The following WNT1 variants were observed in gnomAD, a reference collection of about 807,000 sequenced individuals.
WNT1 encodes proto-oncogene Wnt-1.
Under a neutral mutation model 21.3 loss-of-function variants are expected in WNT1, and 10 were observed. The ratio of observed to expected loss-of-function variants is 0.47; its 90% confidence interval spans 0.29 to 0.80. The LOEUF is 0.80. WNT1 is among the 30% of genes least tolerant of loss of function. The pLI, the probability that WNT1 is intolerant of heterozygous loss-of-function variation, is 0.09. For synonymous variants in WNT1, 208 were observed against 236.3 expected (o/e 0.88, Z 1.10); for missense variants, 476 against 534.1 (o/e 0.89, Z 1.07).
chr12:48,978,593 C>A lies in WNT1; in HGVS notation c.-58C>A. On this transcript the variant is annotated 5_prime_UTR_variant, in exon 1 of 4. Transcript: ENST00000293549. This position sits in a 1 kb window ranked among gnomAD's most constrained non-coding sequence, Gnocchi z 7.4. ...ACCGCCGCGTCCCGTCCCACCGTCG[C>A]GGGCAACAACCAAAGTCGCCGCAAC... 7.7e-7 allele frequency: 1 copy of A among 1,306,178 alleles called. No homozygotes were observed. The highest frequency in any genetic ancestry group is 1.1e-6 in the Non-Finnish European group (1 of 938,098). The allele number at this position is 1,306,178 out of a possible 1,614,324, so 80.9% of individuals were successfully genotyped here. A position where few individuals can be genotyped will look rare whatever the true frequency, so the allele number is the denominator to read the frequency against.
At position 48,981,600 on chromosome 12, in the gene WNT1, G is replaced by A. The variant is rs779430216; in HGVS notation, c.1073G>A (p.Arg358His). 4.7e-5 allele frequency: 70 copies of A among 1,489,586 alleles called. No individual in the cohort carries two copies. The highest frequency in any genetic ancestry group is 4.8e-5 in the Non-Finnish European group (54 of 1,122,858). The allele number at this position is 1,489,586 out of a possible 1,614,324, so 92.3% of individuals were successfully genotyped here. Reference sequence around the variant, plus strand: ...CACTGGTGCTGCCACGTCAGCTGCCGCAACTGCACGCACACGCGCGTACTG... The same window carrying A: ...CACTGGTGCTGCCACGTCAGCTGCCACAACTGCACGCACACGCGCGTACTG... ...TFHWCCHVSC[R>H]NCTHTRVLHE... Residue 358 changes from arginine to histidine, a missense_variant, in exon 4 of 4, where the codon CGC becomes CAC. Arg to His is a conservative substitution (Grantham distance 29). Transcript: ENST00000293549. This position sits in a 1 kb window ranked among gnomAD's most constrained non-coding sequence, Gnocchi z 7.4.
chr12:48,981,255 G>A lies in WNT1; in HGVS notation c.728G>A (p.Gly243Asp). Residue 243 changes from glycine to aspartate, a missense_variant, in exon 4 of 4, where the codon GGC becomes GAC. Physicochemically the swap from Gly to Asp is moderately conservative, Grantham distance 94 (BLOSUM62 -1). Transcript: ENST00000293549. This position sits in a 1 kb window ranked among gnomAD's most constrained non-coding sequence, Gnocchi z 7.4. ...WMRLPTLRAV[G>D]DVLRDRFDGA... ...CGGCTGCCCACGCTGCGCGCCGTGGGCGATGTGCTGCGCGACCGCTTCGAC... is the reference window on the plus strand; with the variant it reads ...CGGCTGCCCACGCTGCGCGCCGTGGACGATGTGCTGCGCGACCGCTTCGAC... The A allele has an allele frequency of 6.2e-7, 1 of 1,607,654 alleles. No homozygotes were observed. The highest frequency in any genetic ancestry group is 8.5e-7 in the Non-Finnish European group (1 of 1,177,340).
In WNT1 at chr12:48,981,366, C is replaced by A; in HGVS notation, c.839C>A (p.Ala280Asp). ...ELLRLEPEDP[A>D]HKPPSPHDLV... is the part of the protein sequence containing the mutation. Reference sequence around the variant, plus strand: ...CTGCGCCTGGAGCCGGAAGACCCGGCCCACAAACCGCCCTCCCCCCACGAC... The same window carrying A: ...CTGCGCCTGGAGCCGGAAGACCCGGACCACAAACCGCCCTCCCCCCACGAC... Residue 280 changes from alanine to aspartate, a missense_variant, in exon 4 of 4, where the codon GCC becomes GAC. Coordinates refer to ENST00000293549, the MANE Select transcript of WNT1 (RefSeq NM_005430.4). The surrounding 1 kb of genome is among the most constrained non-coding windows in gnomAD (Gnocchi z 7.4). 6.4e-7 allele frequency: 1 copy of A among 1,571,640 alleles called. No individual in the cohort carries two copies. The highest frequency in any genetic ancestry group is 8.6e-7 in the Non-Finnish European group (1 of 1,158,364).
At position 48,978,790 on chromosome 12, in the gene WNT1, C is replaced by A; in HGVS notation, c.104+36C>A. On this transcript the variant is annotated intron_variant, in intron 1 of 3. Coordinates refer to ENST00000293549, the MANE Select transcript of WNT1 (RefSeq NM_005430.4). The surrounding 1 kb of genome is among the most constrained non-coding windows in gnomAD (Gnocchi z 7.4). ...TGGTGCGGGGTCGCCACTTGTCCCG[C>A]GGCACAGAGCCAGGGGCCAACCCTA... is the stretch of plus-strand genomic sequence containing the variant. 1 of 1,458,426 alleles carries A rather than the reference C, an allele frequency of 6.9e-7. No homozygotes were observed. The highest frequency in any genetic ancestry group is 2.4e-5 in the East Asian group (1 of 42,218). The allele number at this position is 1,458,426 out of a possible 1,614,324, so 90.3% of individuals were successfully genotyped here.
rs1940974846 is a variant in WNT1, at chr12:48,979,064, C to T, written c.104+310C>T. 6.6e-6 allele frequency among the ~76,000 whole-genome samples: 1 copy of T among 152,276 alleles called. No homozygotes were observed. Among genetic ancestry groups the T allele is most frequent in the Admixed American group, 6.5e-5 (1 of 15,292 alleles). On this transcript the variant is annotated intron_variant, in intron 1 of 3. Coordinates refer to ENST00000293549, the MANE Select transcript of WNT1 (RefSeq NM_005430.4). The surrounding 1 kb of genome is among the most constrained non-coding windows in gnomAD (Gnocchi z 6.0). ...CGGTGGCTCACCACAGGTTTCCCCACCTCGGGAAGTGAAGGGCCAGGAGTT... is the reference window on the plus strand; with the variant it reads ...CGGTGGCTCACCACAGGTTTCCCCATCTCGGGAAGTGAAGGGCCAGGAGTT...
rs770963147 is a variant in WNT1 at position 48,979,306 on chromosome 12, C to T, written c.105-162C>T. Among the ~76,000 whole-genome samples, 13 of 152,198 alleles carry T rather than the reference C, an allele frequency of 8.5e-5. No individual in the cohort carries two copies. The highest frequency in any genetic ancestry group is 1.6e-4 in the Non-Finnish European group (11 of 68,026). On this transcript the variant is annotated intron_variant, in intron 1 of 3. Coordinates refer to ENST00000293549, the MANE Select transcript of WNT1 (RefSeq NM_005430.4). The surrounding 1 kb of genome is among the most constrained non-coding windows in gnomAD (Gnocchi z 6.0). ...ACTACTGGGCACACACAAGTCTGGA[C>T]GCCCAGTTCTTTCAAATTAGTGAGC...
At position 48,981,533 on chromosome 12, in the gene WNT1, A is replaced by C. The variant is rs1399080321; in HGVS notation, c.1006A>C (p.Thr336Pro). 6.5e-7 allele frequency: 1 copy of C among 1,542,600 alleles called. No individual in the cohort carries two copies. Among genetic ancestry groups the C allele is most frequent in the Admixed American group, 2.0e-5 (1 of 50,548 alleles). ...GCTCTGCTGCGGCAGGGGCCACCGC[A>C]CGCGCACGCAGCGCGTCACCGAGCG... Reference protein sequence around the residue: ...ELLCCGRGHRTRTQRVTERCN... With the variant: ...ELLCCGRGHRPRTQRVTERCN... Residue 336 changes from threonine (T) to proline (P), a missense_variant, in exon 4 of 4, where the codon ACG (threonine) becomes CCG (proline). Physicochemically the swap from Thr to Pro is conservative, Grantham distance 38. Transcript: ENST00000293549. The surrounding 1 kb of genome is among the most constrained non-coding windows in gnomAD (Gnocchi z 7.4).
Position 48,981,037 on chromosome 12 carries a change from T to G in WNT1, c.625-115T>G. 6.8e-7 allele frequency: 1 copy of G among 1,478,074 alleles called. No homozygotes were observed. Among genetic ancestry groups the G allele is most frequent in the Non-Finnish European group, 9.0e-7 (1 of 1,106,130 alleles). 91.6% of individuals were successfully genotyped at this position (1,478,074 alleles called of 1,614,324 possible). On this transcript the variant is annotated intron_variant, in intron 3 of 3. Coordinates refer to ENST00000293549, the MANE Select transcript of WNT1 (RefSeq NM_005430.4). The surrounding 1 kb of genome is among the most constrained non-coding windows in gnomAD (Gnocchi z 7.4). ...GCGCCTCCCTTCCCCTGGGCTCAGC[T>G]AGGCCTGGGCCTTTGCTGAGGTCCG...
chr12:48,978,894 G>C lies in WNT1; in HGVS notation c.104+140G>C. On this transcript the variant is annotated intron_variant, in intron 1 of 3. Coordinates refer to ENST00000293549, the MANE Select transcript of WNT1 (RefSeq NM_005430.4). This position sits in a 1 kb window ranked among gnomAD's most constrained non-coding sequence, Gnocchi z 7.4. ...ACTTCCCTCCGCGACACCGAAGGGC[G>C]ATCTGGCATGAAACTGCCCCAGACT... The C allele has an allele frequency of 1.6e-6, 1 of 635,532 alleles. No homozygotes were observed. Among genetic ancestry groups the C allele is most frequent in the Non-Finnish European group, 2.7e-6 (1 of 373,852 alleles). 39.4% of individuals were successfully genotyped at this position (635,532 alleles called of 1,614,324 possible).
At position 48,980,253 on chromosome 12, in the gene WNT1, G is replaced by A. The variant is rs1940992027; in HGVS notation, c.359-171G>A. Among the ~76,000 whole-genome samples the A allele has an allele frequency of 6.6e-6, 1 of 152,212 alleles. No homozygotes were observed. Among genetic ancestry groups the A allele is most frequent in the Non-Finnish European group, 1.5e-5 (1 of 68,032 alleles). ...CCCGTGGACGTGGCTGCGTGCCCAC[G>A]CACCTGCTTTCTCTACTAGCCCTAG... On this transcript the variant is annotated intron_variant, in intron 2 of 3. Transcript: ENST00000293549. This position sits in a 1 kb window ranked among gnomAD's most constrained non-coding sequence, Gnocchi z 7.0.
rs1170405290 is a variant in WNT1, at chr12:48,981,545, C to A, written c.1018C>A (p.Arg340Ser). 2.6e-6 allele frequency: 4 copies of A among 1,537,532 alleles called. No homozygotes were observed. The highest frequency in any genetic ancestry group is 3.5e-6 in the Non-Finnish European group (4 of 1,142,584). ...CAGGGGCCACCGCACGCGCACGCAGCGCGTCACCGAGCGCTGCAACTGCAC... is the reference window on the plus strand; with the variant it reads ...CAGGGGCCACCGCACGCGCACGCAGAGCGTCACCGAGCGCTGCAACTGCAC... ...CGRGHRTRTQ[R>S]VTERCNCTFH... The change falls in exon 4 of 4, where the codon CGC (arginine) becomes AGC (serine). Residue 340 changes from arginine to serine, a missense_variant. Arg to Ser is a moderately radical substitution (Grantham distance 110). Coordinates refer to ENST00000293549, the MANE Select transcript of WNT1 (RefSeq NM_005430.4). The surrounding 1 kb of genome is among the most constrained non-coding windows in gnomAD (Gnocchi z 7.4).
In WNT1 at chr12:48,979,832, C is replaced by A. The variant is rs1050220437; in HGVS notation, c.358+111C>A. The A allele has an allele frequency of 3.6e-6, 5 of 1,406,808 alleles. No individual in the cohort carries two copies. Among genetic ancestry groups the A allele is most frequent in the Non-Finnish European group, 9.3e-7 (1 of 1,073,802 alleles). The allele number at this position is 1,406,808 out of a possible 1,614,324, so 87.1% of individuals were successfully genotyped here. A position where few individuals can be genotyped will look rare whatever the true frequency, so the allele number is the denominator to read the frequency against. ...TGTCCCAGGCGCCTGGAGGGTCACACAATCAACCTTGCCAAGTGCCTCGTG... is the reference window on the plus strand; with the variant it reads ...TGTCCCAGGCGCCTGGAGGGTCACAAAATCAACCTTGCCAAGTGCCTCGTG... On this transcript the variant is annotated intron_variant, in intron 2 of 3. Coordinates refer to ENST00000293549, the MANE Select transcript of WNT1 (RefSeq NM_005430.4). This position sits in a 1 kb window ranked among gnomAD's most constrained non-coding sequence, Gnocchi z 6.0.
Position 48,979,772 on chromosome 12 carries a change from A to AC in WNT1, c.358+56dup. On this transcript the variant is annotated intron_variant, in intron 2 of 3. Transcript: ENST00000293549. This position sits in a 1 kb window ranked among gnomAD's most constrained non-coding sequence, Gnocchi z 6.0. Reference sequence around the variant, plus strand: ...CCGGGAGCAGGGGAAACGCGGGGTCACCCCCAGGGCATGGGCGGGCGAGTT... The same window carrying AC: ...CCGGGAGCAGGGGAAACGCGGGGTCACCCCCCAGGGCATGGGCGGGCGAGTT... The AC allele has an allele frequency of 1.3e-6, 2 of 1,524,918 alleles. No individual in the cohort carries two copies. Among genetic ancestry groups the AC allele is most frequent in the East Asian group, 2.3e-5 (1 of 43,434 alleles). The allele number at this position is 1,524,918 out of a possible 1,614,324, so 94.5% of individuals were successfully genotyped here. A position where few individuals can be genotyped will look rare whatever the true frequency, so the allele number is the denominator to read the frequency against.
Position 48,981,768 on chromosome 12 carries a change from C to T in WNT1, c.*128C>T. On this transcript the variant is annotated 3_prime_UTR_variant, in exon 4 of 4. Coordinates refer to ENST00000293549, the MANE Select transcript of WNT1 (RefSeq NM_005430.4). The surrounding 1 kb of genome is among the most constrained non-coding windows in gnomAD (Gnocchi z 7.4). ...AGTCACACTCCCCGCGGTTCATACG[C>T]ATCCCATCTCTCCCACTTCCTCCTA... The T allele has an allele frequency of 7.9e-7, 1 of 1,264,808 alleles. No homozygotes were observed. The highest frequency in any genetic ancestry group is 1.0e-6 in the Non-Finnish European group (1 of 964,432). The allele number at this position is 1,264,808 out of a possible 1,614,324, so 78.3% of individuals were successfully genotyped here.
Position 48,981,366 on chromosome 12 carries a change from C to T in WNT1, c.839C>T (p.Ala280Val), listed in dbSNP as rs1387661764. 1 of 1,571,640 alleles carries T rather than the reference C, an allele frequency of 6.4e-7. No individual in the cohort carries two copies. Among genetic ancestry groups the T allele is most frequent in the East Asian group, 2.4e-5 (1 of 42,144 alleles). Residue 280 changes from alanine to valine, a missense_variant, in exon 4 of 4, where the codon GCC becomes GTC. Physicochemically the swap from Ala to Val is moderately conservative, Grantham distance 64. Transcript: ENST00000293549. This position sits in a 1 kb window ranked among gnomAD's most constrained non-coding sequence, Gnocchi z 7.4. Reference sequence around the variant, plus strand: ...CTGCGCCTGGAGCCGGAAGACCCGGCCCACAAACCGCCCTCCCCCCACGAC... The same window carrying T: ...CTGCGCCTGGAGCCGGAAGACCCGGTCCACAAACCGCCCTCCCCCCACGAC... ...ELLRLEPEDP[A>V]HKPPSPHDLV... is the part of the protein sequence containing the mutation.
At position 48,979,204 on chromosome 12, in the gene WNT1, T is replaced by A. The variant is rs970926015; in HGVS notation, c.105-264T>A. On this transcript the variant is annotated intron_variant, in intron 1 of 3. Coordinates refer to ENST00000293549, the MANE Select transcript of WNT1 (RefSeq NM_005430.4). This position sits in a 1 kb window ranked among gnomAD's most constrained non-coding sequence, Gnocchi z 6.0. Reference sequence around the variant, plus strand: ...AGGCTGACCGGAAGAGGCTCGGAGATCCAAGGTAGACACTCGGTCTCCGGG... The same window carrying A: ...AGGCTGACCGGAAGAGGCTCGGAGAACCAAGGTAGACACTCGGTCTCCGGG... 6.6e-6 allele frequency among the ~76,000 whole-genome samples: 1 copy of A among 152,136 alleles called. No individual in the cohort carries two copies. The highest frequency in any genetic ancestry group is 1.9e-4 in the East Asian group (1 of 5,186).
Position 48,979,390 on chromosome 12 carries a change from A to G in WNT1, c.105-78A>G. The G allele has an allele frequency of 3.3e-6, 5 of 1,500,260 alleles. No homozygotes were observed. Among genetic ancestry groups the G allele is most frequent in the Non-Finnish European group, 4.5e-6 (5 of 1,120,228 alleles). The allele number at this position is 1,500,260 out of a possible 1,614,324, so 92.9% of individuals were successfully genotyped here. On this transcript the variant is annotated intron_variant, in intron 1 of 3. Transcript: ENST00000293549. This position sits in a 1 kb window ranked among gnomAD's most constrained non-coding sequence, Gnocchi z 6.0. Reference sequence around the variant, plus strand: ...TCTCTCCAGCCACATACCCCCAGGAAGAGGACCGGGTGGCACAGTTTTTAT... The same window carrying G: ...TCTCTCCAGCCACATACCCCCAGGAGGAGGACCGGGTGGCACAGTTTTTAT...
Position 48,979,851 on chromosome 12 carries a change from C to T in WNT1, c.358+130C>T. ...GTCACACAATCAACCTTGCCAAGTG[C>T]CTCGTGCCCAGCGCCAGCTCGGGGC... On this transcript the variant is annotated intron_variant, in intron 2 of 3. Transcript: ENST00000293549. The surrounding 1 kb of genome is among the most constrained non-coding windows in gnomAD (Gnocchi z 6.0). 1.5e-6 allele frequency: 2 copies of T among 1,324,342 alleles called. No homozygotes were observed. Among genetic ancestry groups the T allele is most frequent in the South Asian group, 3.2e-5 (2 of 62,532 alleles). 82.0% of individuals were successfully genotyped at this position (1,324,342 alleles called of 1,614,324 possible).
chr12:48,978,893 C>G lies in WNT1; in HGVS notation c.104+139C>G. 1 of 638,216 alleles carries G rather than the reference C, an allele frequency of 1.6e-6. No homozygotes were observed. Among genetic ancestry groups the G allele is most frequent in the Non-Finnish European group, 2.7e-6 (1 of 376,540 alleles). The allele number at this position is 638,216 out of a possible 1,614,324, so 39.5% of individuals were successfully genotyped here. ...GACTTCCCTCCGCGACACCGAAGGG[C>G]GATCTGGCATGAAACTGCCCCAGAC... On this transcript the variant is annotated intron_variant, in intron 1 of 3. Coordinates refer to ENST00000293549, the MANE Select transcript of WNT1 (RefSeq NM_005430.4). This position sits in a 1 kb window ranked among gnomAD's most constrained non-coding sequence, Gnocchi z 7.4.
Sources: allele counts gnomAD v4.1 joint callset (sites outside exome capture counted in the v4.1 genomes callset), GRCh38; gene constraint gnomAD v4.1.1; non-coding constraint Gnocchi (gnomAD v3.1); transcripts MANE v1.5; gene names NCBI Gene and HGNC (gene_info 2026-07-23, HGNC 2026-07-21).